XIAP: variants seen among roughly 807,000 people sequenced by gnomAD.
XIAP encodes E3 ubiquitin-protein ligase XIAP.
Under a neutral mutation model 33.1 loss-of-function variants are expected in XIAP, and 3 were observed. The observed-to-expected ratio is 0.09, with a 90% CI of 0.04 to 0.23. XIAP has a LOEUF of 0.23. Among genes scored for constraint, XIAP ranks in the 10% least tolerant of loss-of-function variants. XIAP has a pLI of 1.00. For missense variants in XIAP, 264 were observed against 363.0 expected, an observed-to-expected ratio of 0.73 and a Z score of 2.22; for synonymous variants, 98 against 121.3, an observed-to-expected ratio of 0.81 and a Z score of 1.26.
chrX:123,885,988 G>A lies in XIAP; in HGVS notation c.326G>A (p.Gly109Asp). Residue 109 changes from glycine to aspartate, a missense_variant, in exon 2 of 7, where the codon GGT becomes GAT. Transcript: ENST00000371199. ...ENSATQSTNS[G>D]IQNGQYKVEN... The stretch of plus-strand genomic sequence containing the variant: ...AGTGCCACGCAGTCTACAAATTCTG[G>A]TATCCAGAATGGTCAGTACAAAGTT... The A allele has an allele frequency of 3.3e-6, 4 of 1,211,881 alleles. No individual in the cohort carries two copies. Among genetic ancestry groups the A allele is most frequent in the Non-Finnish European group, 4.5e-6 (4 of 895,604 alleles).
chrX:123,880,714 G>A (rs1184224231), intron 1 of XIAP, among the ~76,000 whole-genome samples: 1 of 96,814 alleles, frequency 1.0e-5, no homozygotes, highest in African/African-American at 3.8e-5. Context: ...TCCAGCCTGG[G>A]CCATAAGAGC....
In XIAP at chrX:123,907,347, C is replaced by A; in HGVS notation, c.*166C>A. On this transcript the variant is annotated 3_prime_UTR_variant, in exon 7 of 7. Coordinates refer to ENST00000371199, the MANE Select transcript of XIAP (RefSeq NM_001167.4). ...AGTTGGCAATATAATCTTTGAATTT[C>A]TTGATTTTTCAGGGTATTAGCTGTA... 1 of 526,984 alleles carries A rather than the reference C, an allele frequency of 1.9e-6. No individual in the cohort carries two copies. Among genetic ancestry groups the A allele is most frequent in the Non-Finnish European group, 3.3e-6 (1 of 303,066 alleles). 43.4% of individuals were successfully genotyped at this position (526,984 alleles called of 1,213,427 possible).
intron 5 of XIAP, among the ~76,000 whole-genome samples, chrX:123,898,746 C>G (rs959886446): frequency 3.7e-5 from 4 of 107,100 alleles, no homozygotes; most frequent in African/African-American, 1.3e-4. Context: ...TCCCCCTTGG[C>G]CTCCCCAAAG....
chrX:123,910,612 G>A lies in XIAP; in HGVS notation c.*3431G>A, dbSNP rs1184068074. On this transcript the variant is annotated 3_prime_UTR_variant, in exon 7 of 7. Transcript: ENST00000371199. ...GGGCTGGGCTCAGTGGCTCACGCCTGTAATCCCAGCACTTTGGGAGGCTGA... is the reference window on the plus strand; with the variant it reads ...GGGCTGGGCTCAGTGGCTCACGCCTATAATCCCAGCACTTTGGGAGGCTGA... 1 of 329,351 alleles carries A rather than the reference G, an allele frequency of 3.0e-6. No homozygotes were observed. Among genetic ancestry groups the A allele is most frequent in the Non-Finnish European group, 5.9e-6 (1 of 169,929 alleles). 27.1% of individuals were successfully genotyped at this position (329,351 alleles called of 1,213,427 possible).
chrX:123,870,503 G>A (rs1483286310), intron 1 of XIAP, among the ~76,000 whole-genome samples: 3 of 112,219 alleles, frequency 2.7e-5, no homozygotes, highest in Non-Finnish European at 5.6e-5. Flanking sequence ...TTTGAATATA[G>A]ATAGCACTGT....
intron 1 of XIAP, among the ~76,000 whole-genome samples, chrX:123,869,706 A>G (rs944530762): frequency 6.3e-5 from 7 of 111,725 alleles, no homozygotes; most frequent in Non-Finnish European, 1.3e-4. Context: ...TTAGACCTAT[A>G]TTGGTCATAA....
At chrX:123,865,530 A>G (rs1376110846) in intron 1 of XIAP, among the ~76,000 whole-genome samples, 4 of 106,922 alleles carry the variant, frequency 3.7e-5, no homozygotes, top group Non-Finnish European at 7.7e-5. Context: ...GATCTAGACC[A>G]TCCTGGCACC....
At chrX:123,906,162 T>C (rs1026125048) in intron 6 of XIAP, among the ~76,000 whole-genome samples, 1 of 112,688 alleles carries the variant, frequency 8.9e-6, no homozygotes, top group Non-Finnish European at 1.9e-5. Context: ...ATGAAACACA[T>C]GTTTTGTGGC....
At chrX:123,905,426 A>G (rs2053549849) in intron 6 of XIAP, among the ~76,000 whole-genome samples, 1 of 111,216 alleles carries the variant, frequency 9.0e-6, no homozygotes, top group Non-Finnish European at 1.9e-5. Flanking sequence ...TCTCCTAGTA[A>G]ACTCCTAATT....
chrX:123,895,668 T>C (rs2053452655), intron 5 of XIAP, among the ~76,000 whole-genome samples: 1 of 112,087 alleles, frequency 8.9e-6, no homozygotes, highest in Non-Finnish European at 1.9e-5. Flanking sequence ...GGTTTTGTTT[T>C]GCATTTCCCT....
chrX:123,864,767 CGTGTGTGTGTGTGTGTGTGTGTGTGTGT>C (rs752421505), intron 1 of XIAP, among the ~76,000 whole-genome samples: 5 of 52,657 alleles, frequency 9.5e-5, no homozygotes, highest in Admixed American at 2.6e-4. Context: ...GTCGCATTCT[CGTGTGTGTGTGTGTGTGTGTGTGTGTGT>C]GTGTGTGTGT....
Position 123,912,170 on chromosome X carries a change from GGTTTTGC to G in XIAP, c.*4990_*4996del. On this transcript the variant is annotated 3_prime_UTR_variant, in exon 7 of 7. Transcript: ENST00000371199. ...ATATAGCCAGCCCTTCATATCTGTG[GGTTTTGC>G]ATCCATGGATTCAACCAAGGAGGAA... 3.2e-6 allele frequency: 1 copy of G among 313,241 alleles called. No homozygotes were observed. Among genetic ancestry groups the G allele is most frequent in the Non-Finnish European group, 6.0e-6 (1 of 166,189 alleles). 25.8% of individuals were successfully genotyped at this position (313,241 alleles called of 1,213,427 possible).
intron 1 of XIAP, among the ~76,000 whole-genome samples, chrX:123,873,533 A>G (rs1406009454): frequency 9.4e-6 from 1 of 106,763 alleles, no homozygotes; most frequent in Non-Finnish European, 1.9e-5. Flanking sequence ...CACGCCTGTA[A>G]TCCCAGCACT....
chrX:123,882,358 G>A (rs2053311547), intron 1 of XIAP, among the ~76,000 whole-genome samples: 1 of 111,264 alleles, frequency 9.0e-6, no homozygotes, highest in Admixed American at 9.6e-5. Context: ...TATAAAATTT[G>A]GATCTGTTTT....
intron 1 of XIAP, among the ~76,000 whole-genome samples, chrX:123,883,501 T>C (rs375434300): frequency 2.0e-5 from 2 of 101,783 alleles, no homozygotes; most frequent in African/African-American, 3.6e-5. Context: ...CTTTTCTTTT[T>C]TTTTTTTTTT....
intron 6 of XIAP, among the ~76,000 whole-genome samples, chrX:123,906,355 A>G (rs894979651): frequency 2.7e-5 from 3 of 111,730 alleles, no homozygotes; most frequent in African/African-American, 9.8e-5. Context: ...AAACACCTCA[A>G]AAATATCTGA....
At chrX:123,899,119 CAAAAAA>C (rs1187328706) in intron 5 of XIAP, among the ~76,000 whole-genome samples, 5 of 7,217 alleles carry the variant, frequency 6.9e-4, no homozygotes, top group African/African-American at 3.0e-3. Flanking sequence ...GACTACGTCT[CAAAAAA>C]AAAAAAAAAA....
In XIAP at chrX:123,910,657, C is replaced by T. The variant is rs2053591355; in HGVS notation, c.*3476C>T. ...GGCTGAGGCAGGTGGATCACGAGGT[C>T]AGGAGATCGAGACCATCCTGGCTAA... On this transcript the variant is annotated 3_prime_UTR_variant, in exon 7 of 7. Coordinates refer to ENST00000371199, the MANE Select transcript of XIAP (RefSeq NM_001167.4). 1 of 320,665 alleles carries T rather than the reference C, an allele frequency of 3.1e-6. No homozygotes were observed. Among genetic ancestry groups the T allele is most frequent in the Non-Finnish European group, 6.0e-6 (1 of 166,329 alleles). 26.4% of individuals were successfully genotyped at this position (320,665 alleles called of 1,213,427 possible).
In XIAP at chrX:123,893,071, C is replaced by T. The variant is rs761977689; in HGVS notation, c.1099+298C>T. On this transcript the variant is annotated intron_variant, in intron 5 of 6. Transcript: ENST00000371199. Reference sequence around the variant, plus strand: ...TCCTGATCTTGTGATGCGCCCGCCTCGGCCTTCCAAAGTGCTGGGATTACA... The same window carrying T: ...TCCTGATCTTGTGATGCGCCCGCCTTGGCCTTCCAAAGTGCTGGGATTACA... Among the ~76,000 whole-genome samples the T allele has an allele frequency of 4.6e-5, 5 of 109,075 alleles. No individual in the cohort carries two copies. The South Asian group carries it at 1.2e-3, about 27-fold the overall frequency. The allele number at this position is 109,075 out of a possible 115,157, so 94.7% of individuals were successfully genotyped here.
Sources: gnomAD v4.1 joint callset for allele counts (sites outside exome capture counted in the v4.1 genomes callset) on GRCh38, gnomAD v4.1.1 for gene constraint, MANE v1.5 for transcripts, NCBI Gene and HGNC (gene_info 2026-07-23, HGNC 2026-07-21) for gene names.